ATRN: variants seen among roughly 807,000 people sequenced by gnomAD.
ATRN encodes attractin-2.
A neutral mutation model predicts 178.7 loss-of-function variants in ATRN; 54 were observed. The observed-to-expected ratio is 0.30, with a 90% CI of 0.24 to 0.38. The LOEUF (loss-of-function observed/expected upper bound fraction) is 0.38, where lower values mean the gene tolerates loss of function less well. Among genes scored for constraint, ATRN ranks in the 10% least tolerant of loss-of-function variants. ATRN has a pLI of 1.00. For synonymous variants in ATRN, 636 were observed against 663.0 expected (o/e 0.96, Z 0.63); for missense variants, 1,443 against 1,815.1 (o/e 0.79, Z 3.73).
At chr20:3,471,837 A>T (rs2084431194) in intron 1 of ATRN, among the ~76,000 whole-genome samples, 1 of 152,242 alleles carries the variant, frequency 6.6e-6, no homozygotes, top group South Asian at 2.1e-4. Context: ...GGCGTGTTTC[A>T]GCTAAACGAG....
rs1414839232 is a variant in ATRN, at chr20:3,471,374, G to A, written c.267G>A (p.Ala89=). ...CEAEAAAAAA[A]VSGSAAAEAK... is the part of the protein sequence containing the mutation. ...CCGAGGCCGCGGCGGCGGCGGCGGC[G>A]GTGTCGGGCTCAGCCGCAGCCGAGG... Residue 89 remains alanine, a synonymous_variant, in exon 1 of 29, where the codon GCG becomes GCA. Coordinates refer to ENST00000262919, the MANE Select transcript of ATRN (RefSeq NM_139321.3). 6.1e-6 allele frequency: 9 copies of A among 1,482,848 alleles called. No homozygotes were observed. In the South Asian group the frequency reaches 6.4e-5, roughly 11 times the overall value. The allele number at this position is 1,482,848 out of a possible 1,614,324, so 91.9% of individuals were successfully genotyped here. A position where few individuals can be genotyped will look rare whatever the true frequency, so the allele number is the denominator to read the frequency against.
At chr20:3,619,651 A>G (rs1044149146) in intron 24 of ATRN, among the ~76,000 whole-genome samples, 2 of 152,222 alleles carry the variant, frequency 1.3e-5, no homozygotes, top group South Asian at 4.1e-4. Context: ...CCATGCTTCC[A>G]TATTTTTATG....
intron 1 of ATRN, among the ~76,000 whole-genome samples, chr20:3,471,999 TAAAAGG>T (rs2084435620): frequency 6.6e-6 from 1 of 151,962 alleles, no homozygotes; most frequent in African/African-American, 2.4e-5. Flanking sequence ...TGGCTGGAGA[TAAAAGG>T]GAAAGGGTAG....
intron 1 of ATRN, among the ~76,000 whole-genome samples, chr20:3,486,603 A>T (rs1203897799): frequency 6.6e-6 from 1 of 151,914 alleles, no homozygotes; most frequent in Non-Finnish European, 1.5e-5. Flanking sequence ...TGTTGTCTCG[A>T]ATTCCTGGCC....
At chr20:3,542,801 A>AT (rs35265454) in intron 3 of ATRN, among the ~76,000 whole-genome samples, 3,610 of 130,470 alleles carry the variant, frequency 0.028, 72 homozygotes, top group African/African-American at 0.047. Flanking sequence ...TAATTTTTGT[A>AT]TTTTTTTTTT....
chr20:3,471,616 A>G, intron 1 of ATRN, 99 bp downstream of exon 1: 1 of 1,338,034 alleles, frequency 7.5e-7, no homozygotes, highest in Non-Finnish European at 9.5e-7. Flanking sequence ...CTGGACAGAA[A>G]GTGGAGAGGG....
At chr20:3,545,310 A>G (rs949338230) in intron 3 of ATRN, among the ~76,000 whole-genome samples, 5 of 150,688 alleles carry the variant, frequency 3.3e-5, no homozygotes, top group African/African-American at 1.2e-4. Flanking sequence ...CAGAGATTGT[A>G]CTGAGATTGC....
Position 3,572,791 on chromosome 20 carries a change from C to T in ATRN, c.1932C>T (p.Thr644=), listed in dbSNP as rs2086145305. The T allele has an allele frequency of 6.2e-7, 1 of 1,613,892 alleles. No individual in the cohort carries two copies. The change falls in exon 12 of 29, where the codon ACC becomes ACT. Residue 644 remains threonine, a synonymous_variant. Coordinates refer to ENST00000262919, the MANE Select transcript of ATRN (RefSeq NM_139321.3). ...TCCTCAGCGACATCCTGGTATTCAC[C>T]TCGGAACAGTGTGATGCGCATCGGA... ...SLLLSDILVF[T]SEQCDAHRSE...
intron 1 of ATRN, among the ~76,000 whole-genome samples, chr20:3,495,483 T>C (rs2084865827): frequency 6.6e-6 from 1 of 152,244 alleles, no homozygotes; most frequent in Non-Finnish European, 1.5e-5. Flanking sequence ...TTTGTTAGCA[T>C]ATTTTGTGTC....
intron 24 of ATRN, among the ~76,000 whole-genome samples, chr20:3,622,973 C>G (rs6051979): frequency 0.18 from 27,412 of 152,100 alleles, 5,251 homozygotes; most frequent in African/African-American, 0.49. Flanking sequence ...AGACAGTGCC[C>G]TTAGCATCCA....
chr20:3,497,927 A>T (rs1043404781), intron 1 of ATRN, among the ~76,000 whole-genome samples: 7 of 152,082 alleles, frequency 4.6e-5, no homozygotes, highest in Non-Finnish European at 1.5e-5. Context: ...AACAAAATTG[A>T]TAAACTGCTA....
At chr20:3,535,876 C>G (rs1305690488) in intron 2 of ATRN, among the ~76,000 whole-genome samples, 1 of 151,832 alleles carries the variant, frequency 6.6e-6, no homozygotes, top group East Asian at 1.9e-4. Flanking sequence ...GTGATCCGCT[C>G]GCCTCAGCCT....
intron 1 of ATRN, chr20:3,490,329 T>G (rs928915137): frequency 3.8e-5 from 39 of 1,014,346 alleles, no homozygotes; most frequent in Non-Finnish European, 5.7e-5. Context: ...CTTGTCTCTT[T>G]CGCCCATCCA....
chr20:3,568,159 C>T (rs976343136), intron 11 of ATRN, among the ~76,000 whole-genome samples: 22 of 151,624 alleles, frequency 1.5e-4, no homozygotes, highest in African/African-American at 4.1e-4. Context: ...GGCGTGGTGG[C>T]GGGCGCATGT....
chr20:3,632,864 A>G lies in ATRN; in HGVS notation c.3864-1447A>G, dbSNP rs995729634. ...AAAGTATTGATTAAAAAGACAATGT[A>G]GGCCAGTCACGTGAGGCCTGTAATC... On this transcript the variant is annotated intron_variant, in intron 25 of 28. Transcript: ENST00000262919. This position sits in a 1 kb window ranked among gnomAD's most constrained non-coding sequence, Gnocchi z 4.2. 6.6e-6 allele frequency among the ~76,000 whole-genome samples: 1 copy of G among 152,218 alleles called. No individual in the cohort carries two copies. Among genetic ancestry groups the G allele is most frequent in the East Asian group, 1.9e-4 (1 of 5,192 alleles).
At chr20:3,508,375 T>C (rs1238050786) in intron 1 of ATRN, among the ~76,000 whole-genome samples, 3 of 152,148 alleles carry the variant, frequency 2.0e-5, no homozygotes, top group Non-Finnish European at 4.4e-5. Flanking sequence ...AGGTAGTATA[T>C]ATCTTAGACT....
At chr20:3,566,516 G>A (rs914601665) in intron 11 of ATRN, among the ~76,000 whole-genome samples, 1 of 152,132 alleles carries the variant, frequency 6.6e-6, no homozygotes, top group African/African-American at 2.4e-5. Flanking sequence ...GGATGTTTAA[G>A]CGTTATAATG....
intron 1 of ATRN, among the ~76,000 whole-genome samples, chr20:3,512,960 T>C (rs1363344748): frequency 6.6e-6 from 1 of 152,068 alleles, no homozygotes; most frequent in East Asian, 1.9e-4. Context: ...GGGTTGTTTG[T>C]TTTTTTCTTG....
Position 3,547,288 on chromosome 20 carries a change from G to C in ATRN, c.742G>C (p.Asp248His). The part of the protein sequence containing the change: ...LTGFNITYSF[D>H]MCPNNCSGRG... ...TTTTCCCTGCTATTTTTACAGTTTT[G>C]ATATGTGTCCAAATAACTGCTCAGG... Residue 248 changes from aspartate (D) to histidine (H), a missense_variant, in exon 5 of 29, where the codon GAT (aspartate) becomes CAT (histidine). By Grantham distance (81) the Asp-to-His change is moderately conservative. This residue lies in a region of ATRN where 862 missense variants were observed against 972.1 expected (regional missense o/e 0.89). Transcript: ENST00000262919. 2 of 1,612,506 alleles carry C rather than the reference G, an allele frequency of 1.2e-6. No homozygotes were observed. Among genetic ancestry groups the C allele is most frequent in the South Asian group, 2.2e-5 (2 of 91,052 alleles).
Sources: allele counts gnomAD v4.1 joint callset (sites outside exome capture counted in the v4.1 genomes callset), GRCh38; gene constraint gnomAD v4.1.1; regional missense constraint gnomAD v4.1.1; non-coding constraint Gnocchi (gnomAD v3.1); transcripts MANE v1.5; gene names NCBI Gene and HGNC (gene_info 2026-07-23, HGNC 2026-07-21).